KCND2: variants seen among roughly 807,000 people sequenced by gnomAD.
KCND2 encodes potassium voltage-gated channel subfamily D member 2, also known as A-type voltage-gated potassium channel KCND2.
In KCND2, 16 loss-of-function variants were observed where a neutral mutation model predicts 54.4. The observed-to-expected ratio is 0.29, with a 90% CI of 0.20 to 0.45. The LOEUF is 0.45. Ranked by LOEUF, KCND2 falls within the 20% of genes least tolerant of loss-of-function variation. The pLI is 1.00. For synonymous variants in KCND2, 317 were observed against 310.7 expected (o/e 1.02, Z -0.21); for missense variants, 486 against 824.2 (o/e 0.59, Z 5.02).
intron 1 of KCND2, among the ~76,000 whole-genome samples, chr7:120,399,566 T>TA (rs1166100988): frequency 6.6e-6 from 1 of 152,050 alleles, no homozygotes; most frequent in Non-Finnish European, 1.5e-5. Flanking sequence ...AAACTCCACT[T>TA]AAACATTTGG....
At chr7:120,629,729 G>A (rs1266398920) in intron 1 of KCND2, among the ~76,000 whole-genome samples, 1 of 152,174 alleles carries the variant, frequency 6.6e-6, no homozygotes, top group East Asian at 1.9e-4. Flanking sequence ...AGTTGGAATG[G>A]TTAGACTTGA....
intron 1 of KCND2, among the ~76,000 whole-genome samples, chr7:120,431,079 C>T (rs974844427): frequency 6.6e-6 from 1 of 152,166 alleles, no homozygotes; most frequent in African/African-American, 2.4e-5. Flanking sequence ...AGCTTTAAAA[C>T]ATCAGCTTGG....
At chr7:120,439,475 C>T (rs1801918546) in intron 1 of KCND2, among the ~76,000 whole-genome samples, 1 of 152,014 alleles carries the variant, frequency 6.6e-6, no homozygotes. Flanking sequence ...TTAGCATACC[C>T]ATCACCTCAA....
chr7:120,703,851 A>G (rs1224193707), intron 1 of KCND2, among the ~76,000 whole-genome samples: 1 of 152,130 alleles, frequency 6.6e-6, no homozygotes, highest in Non-Finnish European at 1.5e-5. Flanking sequence ...ACCAAATCCC[A>G]TCTTGTAGCA....
chr7:120,488,638 T>C (rs914824912), intron 1 of KCND2, among the ~76,000 whole-genome samples: 1 of 152,264 alleles, frequency 6.6e-6, no homozygotes, highest in Non-Finnish European at 1.5e-5. Flanking sequence ...TTGTGGCCCC[T>C]CACAGGCTAT....
At chr7:120,692,426 A>C (rs1245061286) in intron 1 of KCND2, among the ~76,000 whole-genome samples, 1 of 152,146 alleles carries the variant, frequency 6.6e-6, no homozygotes, top group Non-Finnish European at 1.5e-5. Flanking sequence ...GTTTGTCCAT[A>C]ATATAGTCAT....
intron 1 of KCND2, among the ~76,000 whole-genome samples, chr7:120,490,218 A>C (rs148980415): frequency 7.2e-6 from 1 of 139,684 alleles, no homozygotes; most frequent in East Asian, 2.3e-4. Flanking sequence ...ATTTTCCCCA[A>C]AATTTCCTTG....
chr7:120,473,251 A>C (rs1028078665), intron 1 of KCND2, among the ~76,000 whole-genome samples: 2 of 152,206 alleles, frequency 1.3e-5, no homozygotes, highest in Non-Finnish European at 2.9e-5. Flanking sequence ...ACTATGTTAG[A>C]TATTCTTCCC....
intron 1 of KCND2, among the ~76,000 whole-genome samples, chr7:120,608,040 A>T (rs1345552721): frequency 6.6e-6 from 1 of 151,522 alleles, no homozygotes; most frequent in Non-Finnish European, 1.5e-5. Context: ...TGTAGGTGGT[A>T]TAGAGCCACA....
chr7:120,659,892 A>G (rs1462659848), intron 1 of KCND2, among the ~76,000 whole-genome samples: 2 of 152,222 alleles, frequency 1.3e-5, no homozygotes, highest in Non-Finnish European at 2.9e-5. Context: ...AGACCCACGT[A>G]GTTCAAACCT....
At chr7:120,439,335 A>G (rs528179605) in intron 1 of KCND2, among the ~76,000 whole-genome samples, 17 of 152,196 alleles carry the variant, frequency 1.1e-4, no homozygotes, top group Non-Finnish European at 1.9e-4. Flanking sequence ...TAGGAGAAAT[A>G]ATTGAGATCC....
At chr7:120,575,250 C>G (rs1463463191) in intron 1 of KCND2, among the ~76,000 whole-genome samples, 5 of 152,256 alleles carry the variant, frequency 3.3e-5, no homozygotes, top group East Asian at 3.9e-4. Flanking sequence ...AGTAGGGAAG[C>G]CAACAGTGCA....
At chr7:120,297,337 A>G (rs1225524475) in intron 1 of KCND2, among the ~76,000 whole-genome samples, 1 of 152,048 alleles carries the variant, frequency 6.6e-6, no homozygotes, top group East Asian at 1.9e-4. Flanking sequence ...GAGTTGTTTT[A>G]TTTAAAATAA....
intron 1 of KCND2, among the ~76,000 whole-genome samples, chr7:120,622,629 T>TTC (rs1793113291): frequency 6.6e-6 from 1 of 150,876 alleles, no homozygotes; most frequent in African/African-American, 2.4e-5. Context: ...CATTACCATC[T>TTC]TCTCTCAGGC....
chr7:120,593,331 C>T (rs555464342), intron 1 of KCND2, among the ~76,000 whole-genome samples: 14 of 152,144 alleles, frequency 9.2e-5, no homozygotes, highest in Admixed American at 1.3e-4. Context: ...ATTGATTCAC[C>T]GAACAGAATT....
Position 120,662,137 on chromosome 7 carries a change from A to T in KCND2, c.1116-70766A>T, listed in dbSNP as rs570774108. ...TGTGCTTTTCACCTGTTAATCTTAGATCTGTTTAATTTTTAGGCCCAGCTG... is the reference window on the plus strand; with the variant it reads ...TGTGCTTTTCACCTGTTAATCTTAGTTCTGTTTAATTTTTAGGCCCAGCTG... On this transcript the variant is annotated intron_variant, in intron 1 of 5. Coordinates refer to ENST00000331113, the MANE Select transcript of KCND2 (RefSeq NM_012281.3). Among the ~76,000 whole-genome samples the T allele has an allele frequency of 6.6e-5, 10 of 152,266 alleles. No individual in the cohort carries two copies. In the South Asian group the frequency reaches 2.1e-3, roughly 32 times the overall value.
chr7:120,281,433 A>G (rs1482193878), intron 1 of KCND2, among the ~76,000 whole-genome samples: 2 of 151,416 alleles, frequency 1.3e-5, no homozygotes, highest in African/African-American at 4.8e-5. Flanking sequence ...TATTGAAAAA[A>G]AAAAAAAAAC....
intron 1 of KCND2, among the ~76,000 whole-genome samples, chr7:120,402,094 A>G (rs750820114): frequency 6.6e-6 from 1 of 152,208 alleles, no homozygotes; most frequent in Admixed American, 6.6e-5. Context: ...TGAGTTCAGA[A>G]TGAAGCAGAA....
intron 1 of KCND2, among the ~76,000 whole-genome samples, chr7:120,722,493 G>T (rs1792680683): frequency 1.3e-5 from 2 of 152,196 alleles, no homozygotes; most frequent in African/African-American, 4.8e-5. Context: ...CCAAGTCTTA[G>T]CTCCCAGGCA....
Sources: gnomAD v4.1 joint callset for allele counts (sites outside exome capture counted in the v4.1 genomes callset) on GRCh38, gnomAD v4.1.1 for gene constraint, MANE v1.5 for transcripts, NCBI Gene and HGNC (gene_info 2026-07-23, HGNC 2026-07-21) for gene names.